Variants in RAD51C observed in about 807,000 individuals in gnomAD.
The protein encoded by RAD51C is DNA repair protein RAD51 homolog 3.
In RAD51C, 42 loss-of-function variants were observed where a neutral mutation model predicts 45.0. The ratio of observed to expected loss-of-function variants is 0.93; its 90% CI spans 0.73 to 1.21. The LOEUF is 1.21. Among genes scored for constraint, RAD51C ranks in the 50% most tolerant of loss-of-function variants. The pLI, the probability that RAD51C is intolerant of heterozygous loss-of-function variation, is 0.00. For missense variants in RAD51C, 474 were observed against 452.2 expected, an observed-to-expected ratio of 1.05 and a Z score of -0.44; for synonymous variants, 172 against 159.8, an observed-to-expected ratio of 1.08 and a Z score of -0.58.
At chr17:58,715,454 C>CAAAAA (rs35442906) in intron 5 of RAD51C, among the ~76,000 whole-genome samples, 1 of 91,216 alleles carries the variant, frequency 1.1e-5, no homozygotes, top group African/African-American at 4.2e-5. Context: ...AACTCTGTCT[C>CAAAAA]AAAAAAAAAA....
chr17:58,704,836 C>T (rs568116709), intron 4 of RAD51C, among the ~76,000 whole-genome samples: 1 of 152,072 alleles, frequency 6.6e-6, no homozygotes, highest in Non-Finnish European at 1.5e-5. Context: ...TCATCCTGAC[C>T]TTTTGAATAT....
In RAD51C at chr17:58,697,864, C is replaced by T. The variant is rs1598462867; in HGVS notation, c.571+1005C>T. 3.3e-5 allele frequency among the ~76,000 whole-genome samples: 5 copies of T among 149,414 alleles called. No individual in the cohort carries two copies. The South Asian group carries it at 1.1e-3, about 32-fold the overall frequency. ...AGTAGCTGGAATTACAGGCATGTGC[C>T]ACCACGCCCAGTTAATTTTGTATTT... On this transcript the variant is annotated intron_variant, in intron 3 of 8. Coordinates refer to ENST00000337432, the MANE Select transcript of RAD51C (RefSeq NM_058216.3).
At chr17:58,713,809 AAAAT>A (rs779794556) in intron 5 of RAD51C, among the ~76,000 whole-genome samples, 4 of 151,980 alleles carry the variant, frequency 2.6e-5, no homozygotes, top group Non-Finnish European at 5.9e-5. Flanking sequence ...CTCTAGCTCC[AAAAT>A]AAATAAATAA....
At chr17:58,696,653 A>G (rs1366781449) in intron 2 of RAD51C, 40 bp from the exon 3 acceptor site, 3 of 1,613,568 alleles carry the variant, frequency 1.9e-6, no homozygotes, top group Admixed American at 3.3e-5. Context: ...ACCTTAGATC[A>G]TCATCATGAT....
At chr17:58,722,528 A>G (rs1407918434) in intron 6 of RAD51C, among the ~76,000 whole-genome samples, 3 of 152,138 alleles carry the variant, frequency 2.0e-5, no homozygotes, top group Non-Finnish European at 4.4e-5. Context: ...GCAGCACTGG[A>G]TAAACATAAC....
chr17:58,729,406 A>G (rs2049315812), intron 7 of RAD51C, among the ~76,000 whole-genome samples: 1 of 150,732 alleles, frequency 6.6e-6, no homozygotes, highest in East Asian at 2.0e-4. Context: ...TTTAGTTGAG[A>G]TGGGGTTTCT....
rs786202691 is a variant in RAD51C, at chr17:58,734,210, G to A, written c.1119G>A (p.Glu373=). The A allele has an allele frequency of 6.2e-7, 1 of 1,611,776 alleles. No homozygotes were observed. The highest frequency in any genetic ancestry group is 8.5e-7 in the Non-Finnish European group (1 of 1,178,676). The change falls in exon 9 of 9, where the codon GAG becomes GAA. Residue 373 remains glutamate, a synonymous_variant. Coordinates refer to ENST00000337432, the MANE Select transcript of RAD51C (RefSeq NM_058216.3). ...LSTRKRSRDP[E]EEL is the part of the protein sequence containing the mutation. ...CCCGGAAACGGTCACGAGACCCAGAGGAAGAATTATAACCCAGAAACAAAT... is the reference window on the plus strand; with the variant it reads ...CCCGGAAACGGTCACGAGACCCAGAAGAAGAATTATAACCCAGAAACAAAT...
Position 58,692,702 on chromosome 17 carries a change from C to T in RAD51C, c.59C>T (p.Ser20Phe), listed in dbSNP as rs786203944. The change falls in exon 1 of 9, where the codon TCT becomes TTT. Residue 20 changes from serine (S) to phenylalanine (F), a missense_variant. Transcript: ENST00000337432. Reference sequence around the variant, plus strand: ...CGGGATTTGGTGAGTTTCCCGCTGTCTCCAGCGGTGCGGGTGAAGCTGGTG... The same window carrying T: ...CGGGATTTGGTGAGTTTCCCGCTGTTTCCAGCGGTGCGGGTGAAGCTGGTG... ...MQRDLVSFPL[S>F]PAVRVKLVSA... 6 of 1,614,242 alleles carry T rather than the reference C, an allele frequency of 3.7e-6. No homozygotes were observed. The highest frequency in any genetic ancestry group is 1.7e-5 in the Admixed American group (1 of 60,026).
chr17:58,700,481 C>G (rs2048175710), intron 3 of RAD51C, among the ~76,000 whole-genome samples: 1 of 152,096 alleles, frequency 6.6e-6, no homozygotes, highest in Non-Finnish European at 1.5e-5. Context: ...CTCAGTCCAT[C>G]ATCCAGGCTG....
intron 5 of RAD51C, among the ~76,000 whole-genome samples, chr17:58,717,487 C>T (rs2048780999): frequency 1.3e-5 from 2 of 151,974 alleles, no homozygotes; most frequent in African/African-American, 4.8e-5. Context: ...GCCTGTAATC[C>T]TAGCACTTTG....
At chr17:58,705,093 T>G (rs1336460220) in intron 4 of RAD51C, among the ~76,000 whole-genome samples, 1 of 138,972 alleles carries the variant, frequency 7.2e-6, no homozygotes, top group Non-Finnish European at 1.5e-5. Context: ...ATCGTGACAC[T>G]GCACTCCAGC....
At chr17:58,710,996 G>T (rs1385292557) in intron 5 of RAD51C, among the ~76,000 whole-genome samples, 1 of 152,114 alleles carries the variant, frequency 6.6e-6, no homozygotes, top group Non-Finnish European at 1.5e-5. Flanking sequence ...AGTAAATAAA[G>T]AACTTCCTCA....
rs2049032346 is a variant in RAD51C at position 58,724,242 on chromosome 17, ACC to A, written c.965+143_965+144del. The A allele has an allele frequency of 6.5e-6, 5 of 767,646 alleles. No homozygotes were observed. In the Admixed American group the frequency reaches 1.1e-4, roughly 16 times the overall value. The allele number at this position is 767,646 out of a possible 1,614,324, so 47.6% of individuals were successfully genotyped here. ...CACTTTTGTTGCCTTGTCTGATATCACCTAGAGCAAACATAGAAATGTGTTGT... is the reference window on the plus strand; with the variant it reads ...CACTTTTGTTGCCTTGTCTGATATCATAGAGCAAACATAGAAATGTGTTGT... On this transcript the variant is annotated intron_variant, in intron 7 of 8. Coordinates refer to ENST00000337432, the MANE Select transcript of RAD51C (RefSeq NM_058216.3).
chr17:58,705,655 C>T (rs1388937163), intron 4 of RAD51C, among the ~76,000 whole-genome samples: 3 of 151,996 alleles, frequency 2.0e-5, no homozygotes, highest in Admixed American at 1.3e-4. Flanking sequence ...CTTACAAGGA[C>T]GCTAATCATC....
At chr17:58,706,606 A>G (rs1229887763) in intron 4 of RAD51C, 6 of 409,538 alleles carry the variant, frequency 1.5e-5, no homozygotes, top group Non-Finnish European at 3.0e-5. Flanking sequence ...CCCTGGGCTT[A>G]TGGTAAGAGT....
At chr17:58,699,355 T>C (rs991854502) in intron 3 of RAD51C, among the ~76,000 whole-genome samples, 2 of 152,180 alleles carry the variant, frequency 1.3e-5, no homozygotes, top group African/African-American at 4.8e-5. Context: ...GTGCGGTCTT[T>C]ATTCTTTCCA....
intron 7 of RAD51C, among the ~76,000 whole-genome samples, chr17:58,731,169 A>G (rs2611783): frequency 0.25 from 37,764 of 151,690 alleles, 5,448 homozygotes; most frequent in Middle Eastern, 0.42. Flanking sequence ...TTGTTTATTC[A>G]TCTGTGGATG....
chr17:58,716,612 G>T (rs979305074), intron 5 of RAD51C, among the ~76,000 whole-genome samples: 3 of 144,068 alleles, frequency 2.1e-5, no homozygotes, highest in Admixed American at 7.1e-5. Flanking sequence ...ACAGGCGCAT[G>T]CCACCATGCC....
At chr17:58,715,341 C>T (rs1654247022) in intron 5 of RAD51C, among the ~76,000 whole-genome samples, 1 of 150,888 alleles carries the variant, frequency 6.6e-6, no homozygotes, top group Non-Finnish European at 1.5e-5. Context: ...GTAATCCCAG[C>T]TACTCAGGAG....
Sources: gnomAD v4.1 joint callset for allele counts (sites outside exome capture counted in the v4.1 genomes callset) on GRCh38, gnomAD v4.1.1 for gene constraint, MANE v1.5 for transcripts, NCBI Gene and HGNC (gene_info 2026-07-23, HGNC 2026-07-21) for gene names.